Variants in ANO7 observed in about 807,000 individuals in gnomAD.
ANO7 encodes the protein anoctamin 7, also known as anoctamin-7.
A neutral mutation model predicts 115.8 loss-of-function variants in ANO7; 114 were observed. The observed-to-expected ratio is 0.98, with a 90% CI of 0.85 to 1.15. ANO7 has a LOEUF of 1.15. Among genes scored for constraint, ANO7 ranks in the 50% most tolerant of loss-of-function variants. The probability of loss-of-function intolerance (pLI) is 0.00; values close to 1 mark genes in which losing one functional copy is unlikely to be tolerated. For missense variants in ANO7, 1,302 were observed against 1,201.2 expected (o/e 1.08, Z -1.24); for synonymous variants, 550 against 498.2 (o/e 1.10, Z -1.38).
At chr2:241,235,088 C>T in the ANO7 span, 13 of 1,607,514 alleles carry the variant, frequency 8.1e-6, no homozygotes, top group Admixed American at 2.0e-4. Flanking sequence ...AGCACCATGG[C>T]TCTGGGCAGT....
At chr2:241,190,018 T>A in intron 1 of ANO7, 39 bp from the exon 2 acceptor site, 1 of 1,512,484 alleles carries the variant, frequency 6.6e-7, no homozygotes, top group Non-Finnish European at 9.0e-7. Flanking sequence ...ACCCATCCCC[T>A]CTCTGACCCC....
Position 241,216,157 on chromosome 2 carries a change from G to GCAGGGGCTAGC in ANO7, c.1899_1909dup (p.Pro637LeufsTer197). 6.2e-7 allele frequency: 1 copy of GCAGGGGCTAGC among 1,613,346 alleles called. No individual in the cohort carries two copies. The highest frequency in any genetic ancestry group is 1.1e-5 in the South Asian group (1 of 91,086). On this transcript the variant is annotated frameshift_variant, in exon 19 of 25. Coordinates refer to ENST00000674324, the MANE Select transcript of ANO7 (RefSeq NM_001370694.2). LOFTEE classifies it high-confidence loss of function. Reference sequence around the variant, plus strand: ...CAAGAAGAGGAAGGCGGGAGCTTCTGCAGGGGCTAGCCAGGGGCCCTGGGA... The same window carrying GCAGGGGCTAGC: ...CAAGAAGAGGAAGGCGGGAGCTTCTGCAGGGGCTAGCCAGGGGCTAGCCAGGGGCCCTGGGA...
downstream of ANO7, chr2:241,227,937 G>C (rs1439459752): frequency 3.9e-5 from 6 of 152,230 alleles, no homozygotes; most frequent in Non-Finnish European, 5.9e-5. Context: ...TATGAAGCTG[G>C]AAGCTATATT....
rs1350591142 is a variant in ANO7 at position 241,224,439 on chromosome 2, CGGT to C, written c.*289_*291del. On this transcript the variant is annotated 3_prime_UTR_variant, in exon 25 of 25. Coordinates refer to ENST00000674324, the MANE Select transcript of ANO7 (RefSeq NM_001370694.2). ...CCTGCACCCAAGGGACCCTGTCCCT[CGGT>C]GGCCTCCCCAGGCCCCTGGACACGA... is the stretch of plus-strand genomic sequence containing the variant. 1 of 459,738 alleles carries C rather than the reference CGGT, an allele frequency of 2.2e-6. No individual in the cohort carries two copies. Among genetic ancestry groups the C allele is most frequent in the Non-Finnish European group, 4.0e-6 (1 of 250,698 alleles). The allele number at this position is 459,738 out of a possible 1,614,324, so 28.5% of individuals were successfully genotyped here. A position where few individuals can be genotyped will look rare whatever the true frequency, so the allele number is the denominator to read the frequency against.
At chr2:241,195,583 G>T in intron 3 of ANO7, 120 bp from the exon 4 acceptor site, 2 of 938,772 alleles carry the variant, frequency 2.1e-6, no homozygotes, top group Non-Finnish European at 1.6e-6. Flanking sequence ...GAAGGAACCG[G>T]CCCTGAGTGT....
At chr2:241,223,114 C>T in intron 21 of ANO7, 72 bp from the exon 22 acceptor site, 1 of 1,365,586 alleles carries the variant, frequency 7.3e-7, no homozygotes, top group Non-Finnish European at 1.0e-6. Flanking sequence ...GGGAGATAGG[C>T]TAATTCCAGA....
chr2:241,211,090 G>A (rs1052614204), intron 15 of ANO7, among the ~76,000 whole-genome samples: 1 of 152,148 alleles, frequency 6.6e-6, no homozygotes, highest in Admixed American at 6.5e-5. Flanking sequence ...AGCCTCCCCA[G>A]AGGCCCCCTT....
chr2:241,190,615 C>T (rs1221127993), intron 2 of ANO7, among the ~76,000 whole-genome samples: 1 of 152,236 alleles, frequency 6.6e-6, no homozygotes, highest in Non-Finnish European at 1.5e-5. Context: ...ATGCGGGAGG[C>T]CCTGGCCGTG....
chr2:241,238,842 G>A, the ANO7 span: 1 of 1,444,008 alleles, frequency 6.9e-7, no homozygotes, highest in Non-Finnish European at 9.3e-7. This position sits in a 1 kb window ranked among gnomAD's most constrained non-coding sequence, Gnocchi z 4.9. Context: ...ATTCCTTAGG[G>A]CAAGTTTTAC....
intron 3 of ANO7, among the ~76,000 whole-genome samples, chr2:241,193,639 C>T (rs912234935): frequency 1.3e-5 from 2 of 152,098 alleles, no homozygotes; most frequent in Non-Finnish European, 2.9e-5. Context: ...AAAATCATGC[C>T]TTTTATCAAT....
At chr2:241,210,642 T>G (rs2068701358) in intron 15 of ANO7, 72 bp downstream of exon 15, 16 of 1,231,980 alleles carry the variant, frequency 1.3e-5, no homozygotes, top group Non-Finnish European at 1.9e-5. Context: ...AACGTGACTT[T>G]CTCACTCACT....
the ANO7 span, chr2:241,236,769 A>G: frequency 3.1e-6 from 5 of 1,613,860 alleles, no homozygotes; most frequent in Non-Finnish European, 4.2e-6. Context: ...TGTACTGTGA[A>G]CTAGAGAGAA....
intron 5 of ANO7, 124 bp from the exon 6 acceptor site, chr2:241,199,965 T>G (rs2068430632): frequency 2.6e-6 from 3 of 1,173,420 alleles, no homozygotes; most frequent in Non-Finnish European, 3.6e-6. Flanking sequence ...TCTACCACGC[T>G]CCTTCCCTCT....
chr2:241,236,984 G>C, the ANO7 span, among the ~76,000 whole-genome samples: 547 of 148,324 alleles, frequency 3.7e-3, 17 homozygotes, highest in African/African-American at 9.1e-3. Context: ...CCTTGGGGGG[G>C]GGGGGGGGGG....
chr2:241,219,342 G>A (rs971387970), intron 21 of ANO7, among the ~76,000 whole-genome samples: 1 of 152,138 alleles, frequency 6.6e-6, no homozygotes, highest in South Asian at 2.1e-4. Flanking sequence ...TATGTATTTT[G>A]AGCTTTTTAG....
intron 10 of ANO7, among the ~76,000 whole-genome samples, chr2:241,206,565 G>A (rs2068595066): frequency 2.5e-5 from 1 of 39,620 alleles, no homozygotes; most frequent in Non-Finnish European, 4.5e-5. Flanking sequence ...CAGGCTGACA[G>A]GTGGACAGGA....
the ANO7 span, chr2:241,235,697 G>C: frequency 2.7e-6 from 2 of 745,418 alleles, no homozygotes; most frequent in African/African-American, 3.4e-5. Flanking sequence ...ACAGCCCTAT[G>C]ACAACAGCAA....
chr2:241,195,990 G>A (rs2068319182), intron 4 of ANO7, 145 bp downstream of exon 4: 12 of 1,541,796 alleles, frequency 7.8e-6, no homozygotes, highest in East Asian at 4.7e-5. Context: ...CCCAGCCACC[G>A]TGAGCTCCTC....
At chr2:241,236,514 G>T in the ANO7 span, 2 of 1,212,198 alleles carry the variant, frequency 1.6e-6, no homozygotes, top group African/African-American at 1.5e-5. Context: ...CACTGCCACT[G>T]CCGCTTGGGC....
Sources: gnomAD v4.1 joint callset for allele counts (sites outside exome capture counted in the v4.1 genomes callset) on GRCh38, gnomAD v4.1.1 for gene constraint, Gnocchi (gnomAD v3.1) non-coding constraint, MANE v1.5 for transcripts, NCBI Gene and HGNC (gene_info 2026-07-23, HGNC 2026-07-21) for gene names.